The following LATS1 variants were observed in gnomAD, a reference collection of about 807,000 sequenced individuals.
LATS1 encodes the protein serine/threonine-protein kinase LATS1.
Under a neutral mutation model 106.6 loss-of-function variants are expected in LATS1, and 25 were observed. That is an observed-to-expected ratio of 0.23 (90% CI 0.17 to 0.33). LATS1 has a LOEUF of 0.33. Ranked by LOEUF, LATS1 falls within the 10% of genes least tolerant of loss-of-function variation. LATS1 has a pLI of 1.00. For synonymous variants in LATS1, 465 were observed against 455.6 expected (o/e 1.02, Z -0.26); for missense variants, 1,040 against 1,382.6 (o/e 0.75, Z 3.93).
In LATS1 at chr6:149,660,782, G is replaced by C. The variant is rs1780854363; in HGVS notation, c.*947C>G. On this transcript the variant is annotated 3_prime_UTR_variant, in exon 8 of 8. Transcript: ENST00000543571. Reference sequence around the variant, plus strand: ...TAGGTAAAATATTGCCAGATAGCCAGATTTTCCTTTGCCAATAACAATCTG... The same window carrying C: ...TAGGTAAAATATTGCCAGATAGCCACATTTTCCTTTGCCAATAACAATCTG... The C allele has an allele frequency of 4.5e-6, 1 of 224,002 alleles. No individual in the cohort carries two copies. The highest frequency in any genetic ancestry group is 1.8e-4 in the South Asian group (1 of 5,436). 13.9% of individuals were successfully genotyped at this position (224,002 alleles called of 1,614,324 possible).
intron 2 of LATS1, among the ~76,000 whole-genome samples, chr6:149,696,559 T>TTA (rs1783084593): frequency 6.5e-5 from 3 of 45,820 alleles, no homozygotes; most frequent in African/African-American, 2.7e-4. Flanking sequence ...AACTCCGTCT[T>TTA]AAAAAAAAAA....
intron 5 of LATS1, among the ~76,000 whole-genome samples, 169 bp downstream of exon 5, chr6:149,679,706 T>C (rs1192427941): frequency 6.6e-6 from 1 of 152,196 alleles, no homozygotes; most frequent in African/African-American, 2.4e-5. Context: ...CATTCTTTCA[T>C]TTCATAAGTC....
At chr6:149,702,483 T>TTA in intron 1 of LATS1, 2 of 149,416 alleles carry the variant, frequency 1.3e-5, no homozygotes, top group African/African-American at 5.2e-5. Context: ...TATGATGATT[T>TTA]AAAAAAAAAA....
chr6:149,664,952 T>C (rs1781064319), intron 7 of LATS1, among the ~76,000 whole-genome samples: 1 of 152,180 alleles, frequency 6.6e-6, no homozygotes, highest in South Asian at 2.1e-4. Context: ...TTCCCTCTAG[T>C]TCAGGCTCAG....
chr6:149,715,736 C>G (rs1784343051), intron 1 of LATS1, among the ~76,000 whole-genome samples: 1 of 152,086 alleles, frequency 6.6e-6, no homozygotes, highest in South Asian at 2.1e-4. Context: ...TGTCAGAATG[C>G]CTTCTAGAAA....
chr6:149,709,743 T>C (rs539562213), intron 1 of LATS1, among the ~76,000 whole-genome samples: 48 of 149,426 alleles, frequency 3.2e-4, no homozygotes, highest in Non-Finnish European at 3.4e-4. Context: ...TGGCTTGATC[T>C]TGGCTCACCA....
intron 7 of LATS1, among the ~76,000 whole-genome samples, chr6:149,665,080 T>C (rs189547882): frequency 7.9e-5 from 12 of 152,222 alleles, no homozygotes; most frequent in African/African-American, 2.6e-4. Context: ...AGCATGGGGC[T>C]GGGTGCAGTG....
intron 1 of LATS1, among the ~76,000 whole-genome samples, chr6:149,709,209 C>T (rs1310359172): frequency 2.6e-5 from 4 of 152,172 alleles, no homozygotes; most frequent in African/African-American, 4.8e-5. Flanking sequence ...TTATTCCCTC[C>T]TCCCTGTTGG....
rs149463088 is a variant in LATS1, at chr6:149,684,127, C to T, written c.962G>A (p.Ser321Asn). 3.1e-6 allele frequency: 5 copies of T among 1,614,206 alleles called. No homozygotes were observed. In the African/African-American group the frequency reaches 4.0e-5, roughly 13 times the overall value. ...TGGTTGTCTGCCAACAGGAACAGAA[C>T]TAATGCCTCTCTGTCCTTGATTAGG... ...NPPNQGQRGI[S>N]SVPVGRQPII... Residue 321 changes from serine to asparagine, a missense_variant, in exon 4 of 8, where the codon AGT becomes AAT. Physicochemically the swap from Ser to Asn is conservative, Grantham distance 46. Transcript: ENST00000543571.
intron 7 of LATS1, among the ~76,000 whole-genome samples, chr6:149,664,362 G>A (rs1273001685): frequency 1.3e-5 from 2 of 152,104 alleles, no homozygotes; most frequent in Admixed American, 1.3e-4. Context: ...ATAAATCTTT[G>A]AAGGGATAAT....
chr6:149,679,235 G>T (rs1232376181), intron 5 of LATS1, among the ~76,000 whole-genome samples: 1 of 151,970 alleles, frequency 6.6e-6, no homozygotes, highest in Non-Finnish European at 1.5e-5. Flanking sequence ...TTGGATATGA[G>T]GATTCATTAA....
chr6:149,687,856 C>T (rs1300384838), intron 3 of LATS1, among the ~76,000 whole-genome samples: 2 of 151,712 alleles, frequency 1.3e-5, no homozygotes, highest in Non-Finnish European at 2.9e-5. Context: ...GCGTGAGCCA[C>T]CGTACTTGAC....
At position 149,718,101 on chromosome 6, in the gene LATS1, T is replaced by A. The variant is rs747492288; in HGVS notation, c.-393A>T. On this transcript the variant is annotated 5_prime_UTR_variant, in exon 1 of 8. Transcript: ENST00000543571. The stretch of plus-strand genomic sequence containing the variant: ...CAGTGTCGCCGCCGCCGCACTCCGC[T>A]GCAGGTTTCCCGGATGTGGGCATTT... 1.4e-5 allele frequency: 4 copies of A among 289,650 alleles called. No homozygotes were observed. Among genetic ancestry groups the A allele is most frequent in the Admixed American group, 6.1e-5 (1 of 16,432 alleles). 17.9% of individuals were successfully genotyped at this position (289,650 alleles called of 1,614,324 possible).
chr6:149,689,558 G>A (rs557571970), intron 3 of LATS1, among the ~76,000 whole-genome samples: 3 of 152,128 alleles, frequency 2.0e-5, no homozygotes, highest in African/African-American at 7.2e-5. Context: ...GATGCAGTGG[G>A]CAGACTGATT....
At chr6:149,699,257 G>A (rs1783299366) in intron 2 of LATS1, among the ~76,000 whole-genome samples, 1 of 152,134 alleles carries the variant, frequency 6.6e-6, no homozygotes, top group South Asian at 2.1e-4. Context: ...GAAGTGGACT[G>A]CCAGAATCTT....
At chr6:149,697,683 GTAAGAAAATTAGCACCCAC>G (rs1783176450) in intron 2 of LATS1, among the ~76,000 whole-genome samples, 1 of 152,066 alleles carries the variant, frequency 6.6e-6, no homozygotes, top group Non-Finnish European at 1.5e-5. Flanking sequence ...ATCTCCATTG[GTAAGAAAATTAGCACCCAC>G]TACCCTTTTC....
intron 3 of LATS1, among the ~76,000 whole-genome samples, chr6:149,692,985 C>A (rs1782854447): frequency 1.3e-5 from 2 of 151,812 alleles, no homozygotes; most frequent in Non-Finnish European, 2.9e-5. Flanking sequence ...CAAAGACAGG[C>A]CAGGTGTGGT....
rs764644769 is a variant in LATS1, at chr6:149,701,979, C to G, written c.148G>C (p.Ala50Pro). ...GACATTTTACTCATGTTATGCTCAG[C>G]CTTAGCAGCATCAGATGGTTTAGAT... ...NLSKPSDAAK[A>P]EHNMSKMSTE... The change falls in exon 2 of 8, where the codon GCT becomes CCT. Residue 50 changes from alanine (A) to proline (P), a missense_variant. Physicochemically the swap from Ala to Pro is conservative, Grantham distance 27 (BLOSUM62 -1). Transcript: ENST00000543571. 3.7e-6 allele frequency: 6 copies of G among 1,614,156 alleles called. No individual in the cohort carries two copies. In the South Asian group the frequency reaches 5.5e-5, roughly 15 times the overall value.
Position 149,661,709 on chromosome 6 carries a change from T to C in LATS1, c.*20A>G. The C allele has an allele frequency of 1.3e-6, 2 of 1,521,334 alleles. No individual in the cohort carries two copies. Among genetic ancestry groups the C allele is most frequent in the Non-Finnish European group, 1.8e-6 (2 of 1,139,124 alleles). The allele number at this position is 1,521,334 out of a possible 1,614,324, so 94.2% of individuals were successfully genotyped here. On this transcript the variant is annotated 3_prime_UTR_variant, in exon 8 of 8. Coordinates refer to ENST00000543571, the MANE Select transcript of LATS1 (RefSeq NM_004690.4). ...TTCAGGCCCTTTTACAAATCCTCATTACATTTATTTACTAGTGTGTTAAAC... is the reference window on the plus strand; with the variant it reads ...TTCAGGCCCTTTTACAAATCCTCATCACATTTATTTACTAGTGTGTTAAAC...
Sources: allele counts gnomAD v4.1 joint callset (sites outside exome capture counted in the v4.1 genomes callset), GRCh38; gene constraint gnomAD v4.1.1; transcripts MANE v1.5; gene names NCBI Gene and HGNC (gene_info 2026-07-23, HGNC 2026-07-21).